Variants in ACOT12 observed in about 807,000 individuals in gnomAD.
The protein encoded by ACOT12 is acyl-CoA thioesterase 12.
In ACOT12, 51 loss-of-function variants were observed where a neutral mutation model predicts 67.7. The observed-to-expected ratio is 0.75, with a 90% CI of 0.60 to 0.95. The LOEUF (loss-of-function observed/expected upper bound fraction) is 0.95. ACOT12 is among the 40% of genes least tolerant of loss of function. ACOT12 has a pLI of 0.00. For synonymous variants in ACOT12, 251 were observed against 244.6 expected (o/e 1.03, Z -0.24); for missense variants, 734 against 708.1 (o/e 1.04, Z -0.41).
chr5:81,335,857 C>A lies in ACOT12; in HGVS notation c.1173G>T (p.Trp391Cys). The change falls in exon 12 of 15, where the codon TGG (tryptophan) becomes TGT (cysteine). Residue 391 changes from tryptophan (W) to cysteine (C), a missense_variant. Trp to Cys is a radical substitution (Grantham distance 215). Transcript: ENST00000307624. ...TLEEHDVLSV[W>C]VEKHVGSPAH... ...CTGGACTTCCCACGTGCTTTTCAAC[C>A]CAAACAGATAAAACATCATGCTCTT... The A allele has an allele frequency of 2.5e-6, 4 of 1,613,698 alleles. 1 individual carries two copies. In the South Asian group the frequency reaches 4.4e-5, roughly 18 times the overall value.
At chr5:81,361,077 C>CAAAAAAAAAAAAAAAAA (rs71000820) in intron 4 of ACOT12, among the ~76,000 whole-genome samples, 2 of 52,634 alleles carry the variant, frequency 3.8e-5, no homozygotes, top group Non-Finnish European at 3.4e-5. Context: ...GACTCCATCT[C>CAAAAAAAAAAAAAAAAA]AAAAAAAAAA....
In ACOT12 at chr5:81,393,971, C is replaced by T; in HGVS notation, c.127+17G>A. On this transcript the variant is annotated intron_variant, in intron 1 of 14. Coordinates refer to ENST00000307624, the MANE Select transcript of ACOT12 (RefSeq NM_130767.3). ...GCCCCGGTCCCGCGCCTCCCCGCAG[C>T]CCCGGCGCCCGCCTACCCGCCAGGC... is the stretch of plus-strand genomic sequence containing the variant. 1 of 1,329,942 alleles carries T rather than the reference C, an allele frequency of 7.5e-7. No individual in the cohort carries two copies. The highest frequency in any genetic ancestry group is 9.6e-7 in the Non-Finnish European group (1 of 1,046,304). The allele number at this position is 1,329,942 out of a possible 1,614,324, so 82.4% of individuals were successfully genotyped here. A position where few individuals can be genotyped will look rare whatever the true frequency, so the allele number is the denominator to read the frequency against.
chr5:81,314,482 A>G, the ACOT12 span, among the ~76,000 whole-genome samples: 1 of 152,228 alleles, frequency 6.6e-6, no homozygotes, highest in Middle Eastern at 3.2e-3. Flanking sequence ...TGAATGTAAC[A>G]TTAAACACGT....
At chr5:81,317,378 T>C in the ACOT12 span, among the ~76,000 whole-genome samples, 26,237 of 151,786 alleles carry the variant, frequency 0.17, 2,565 homozygotes, top group Admixed American at 0.27. Flanking sequence ...GGTGGGCACA[T>C]GTAATCCCAG....
At chr5:81,365,050 T>C (rs1760033988) in intron 3 of ACOT12, among the ~76,000 whole-genome samples, 1 of 152,202 alleles carries the variant, frequency 6.6e-6, no homozygotes, top group African/African-American at 2.4e-5. Context: ...TGGGCTAGAT[T>C]TCCCCCTGTG....
intron 3 of ACOT12, among the ~76,000 whole-genome samples, chr5:81,370,758 C>G (rs1006306295): frequency 6.6e-6 from 1 of 152,130 alleles, no homozygotes; most frequent in Non-Finnish European, 1.5e-5. Flanking sequence ...TGTGTTTAGG[C>G]CACCCAGTCT....
intron 2 of ACOT12, among the ~76,000 whole-genome samples, chr5:81,377,688 C>T (rs1760461818): frequency 6.6e-6 from 1 of 152,154 alleles, no homozygotes; most frequent in South Asian, 2.1e-4. Context: ...CATTCTTATA[C>T]ACCAATAACA....
downstream of ACOT12, among the ~76,000 whole-genome samples, chr5:81,328,103 G>C (rs890778311): frequency 5.9e-5 from 9 of 152,018 alleles, no homozygotes; most frequent in African/African-American, 2.2e-4. Context: ...CCCTTGCTTA[G>C]GGACTTTGCC....
At chr5:81,387,744 G>A (rs1433347247) in intron 1 of ACOT12, among the ~76,000 whole-genome samples, 3 of 152,030 alleles carry the variant, frequency 2.0e-5, no homozygotes, top group Non-Finnish European at 2.9e-5. Flanking sequence ...AGGGTCTCAT[G>A]ATTTTGCCCA....
At chr5:81,333,786 A>G (rs1448677522) in intron 12 of ACOT12, among the ~76,000 whole-genome samples, 1 of 152,172 alleles carries the variant, frequency 6.6e-6, no homozygotes, top group Non-Finnish European at 1.5e-5. Context: ...TGGGCAGGGA[A>G]ATGTTGGGTA....
At chr5:81,335,989 A>T in intron 11 of ACOT12, 88 bp from the exon 12 acceptor site, 1 of 1,336,840 alleles carries the variant, frequency 7.5e-7, no homozygotes, top group Non-Finnish European at 1.0e-6. Context: ...GTCATAGACC[A>T]ATTGCACTAA....
chr5:81,333,039 A>G (rs1271771391), intron 12 of ACOT12, among the ~76,000 whole-genome samples: 1 of 150,980 alleles, frequency 6.6e-6, no homozygotes, highest in Non-Finnish European at 1.5e-5. Flanking sequence ...ACTGCAGTCC[A>G]GCTTAGGTGA....
At position 81,358,468 on chromosome 5, in the gene ACOT12, T is replaced by C. The variant is rs183549983; in HGVS notation, c.496+1435A>G. ...ACTTGAGCAACATGCATTTGAAATG[T>C]ATTTTGGTGCTGAGACCAGCTTTAT... On this transcript the variant is annotated intron_variant, in intron 5 of 14. Coordinates refer to ENST00000307624, the MANE Select transcript of ACOT12 (RefSeq NM_130767.3). Among the ~76,000 whole-genome samples the C allele has an allele frequency of 9.8e-5, 15 of 152,330 alleles. No homozygotes were observed. In the East Asian group the frequency reaches 2.9e-3, roughly 29 times the overall value.
At chr5:81,346,488 C>T (rs141744369) in intron 6 of ACOT12, among the ~76,000 whole-genome samples, 22 of 152,324 alleles carry the variant, frequency 1.4e-4, no homozygotes, top group African/African-American at 4.8e-4. Flanking sequence ...TGGATTGCTA[C>T]ATAAAGCCTG....
At position 81,342,717 on chromosome 5, in the gene ACOT12, T is replaced by G. The variant is rs1168405442; in HGVS notation, c.1083A>C (p.Lys361Asn). ...CCTCCCAACCCCTTTTGGCTGCCAG[T>G]TTTTTGAGGGCCTCCACATTGCTGT... ...LSDSNVEALK[K>N]LAAKRGWEVT... The change falls in exon 11 of 15, where the codon AAA becomes AAC. Residue 361 changes from lysine to asparagine, a missense_variant. By Grantham distance (94) the Lys-to-Asn change is moderately conservative. Transcript: ENST00000307624. 1.9e-6 allele frequency: 3 copies of G among 1,613,980 alleles called. No homozygotes were observed. Among genetic ancestry groups the G allele is most frequent in the Non-Finnish European group, 1.7e-6 (2 of 1,180,002 alleles).
intron 1 of ACOT12, among the ~76,000 whole-genome samples, chr5:81,390,693 G>T (rs887295808): frequency 1.3e-5 from 2 of 151,286 alleles, no homozygotes; most frequent in East Asian, 3.9e-4. Context: ...TAGTAGACAG[G>T]GTTTCATCAT....
At chr5:81,332,690 A>G in intron 12 of ACOT12, 85 bp from the exon 13 acceptor site, 3 of 1,520,654 alleles carry the variant, frequency 2.0e-6, no homozygotes, top group Non-Finnish European at 1.8e-6. Flanking sequence ...TAATCTCATT[A>G]TTTGTATCCA....
intron 1 of ACOT12, among the ~76,000 whole-genome samples, chr5:81,393,346 A>T (rs1333014073): frequency 1.3e-5 from 2 of 152,248 alleles, no homozygotes; most frequent in Admixed American, 1.3e-4. Context: ...TTTTAAAAAT[A>T]ATTAAAAATT....
intron 2 of ACOT12, among the ~76,000 whole-genome samples, chr5:81,379,023 A>G (rs1413468223): frequency 1.3e-5 from 2 of 152,178 alleles, no homozygotes; most frequent in African/African-American, 4.8e-5. Flanking sequence ...ATAAAGACAC[A>G]TGAACACGTA....
Sources: gnomAD v4.1 joint callset for allele counts (sites outside exome capture counted in the v4.1 genomes callset) on GRCh38, gnomAD v4.1.1 for gene constraint, MANE v1.5 for transcripts, NCBI Gene and HGNC (gene_info 2026-07-23, HGNC 2026-07-21) for gene names.